Variants in PTPRD observed in about 807,000 individuals in gnomAD.
The protein encoded by PTPRD is receptor-type tyrosine-protein phosphatase delta.
PTPRD carries 34 observed loss-of-function variants against 214.5 expected under a neutral mutation model. That is an observed-to-expected ratio of 0.16 (90% CI 0.12 to 0.21). The LOEUF (loss-of-function observed/expected upper bound fraction) is 0.21. PTPRD is among the 10% of genes least tolerant of loss of function. The pLI is 1.00. For synonymous variants in PTPRD, 1,128 were observed against 845.7 expected (o/e 1.33, Z -5.79); for missense variants, 2,545 against 2,398.7 (o/e 1.06, Z -1.27).
At chr9:9,057,984 T>C (rs1192387686) in intron 10 of PTPRD, among the ~76,000 whole-genome samples, 2 of 152,232 alleles carry the variant, frequency 1.3e-5, no homozygotes, top group African/African-American at 4.8e-5. Context: ...TCTTTTGTTA[T>C]AGGATTTCCT....
intron 12 of PTPRD, among the ~76,000 whole-genome samples, chr9:8,688,227 T>A (rs900184066): frequency 1.3e-5 from 2 of 152,170 alleles, no homozygotes; most frequent in African/African-American, 4.8e-5. Flanking sequence ...TTTCAGTACA[T>A]AAGATCAAAT....
chr9:8,940,797 T>C (rs1324215856), intron 11 of PTPRD, among the ~76,000 whole-genome samples: 1 of 148,562 alleles, frequency 6.7e-6, no homozygotes, highest in Non-Finnish European at 1.5e-5. Context: ...GATCCTATTC[T>C]CTTCTCAAAA....
intron 14 of PTPRD, among the ~76,000 whole-genome samples, chr9:8,620,698 G>T (rs1443536689): frequency 6.6e-6 from 1 of 151,894 alleles, no homozygotes; most frequent in Non-Finnish European, 1.5e-5. Flanking sequence ...TGCCTGTGTA[G>T]TATTGTATGT....
Position 9,651,558 on chromosome 9 carries a change from G to T in PTPRD, c.-286-76777C>A, listed in dbSNP as rs142831796. On this transcript the variant is annotated intron_variant, in intron 7 of 45. Transcript: ENST00000381196. Reference sequence around the variant, plus strand: ...TGACCTCCAGCTCCATCCATGTCCTGCAAAGGACATGATTGTGTTCTTTAT... The same window carrying T: ...TGACCTCCAGCTCCATCCATGTCCTTCAAAGGACATGATTGTGTTCTTTAT... Among the ~76,000 whole-genome samples, 975 of 152,144 alleles carry T rather than the reference G, an allele frequency of 6.4e-3. 8 individuals are homozygous for T. Among genetic ancestry groups the T allele is most frequent in the African/African-American group, 0.023 (942 of 41,502 alleles).
chr9:9,544,193 G>A (rs1221932191), intron 8 of PTPRD, among the ~76,000 whole-genome samples: 11 of 151,428 alleles, frequency 7.3e-5, no homozygotes, highest in African/African-American at 1.7e-4. Context: ...ATTTATATCC[G>A]TGGATTTTAC....
Position 8,485,211 on chromosome 9 carries a change from T to G in PTPRD, c.3153+16A>C. 1 of 1,605,198 alleles carries G rather than the reference T, an allele frequency of 6.2e-7. No homozygotes were observed. Among genetic ancestry groups the G allele is most frequent in the East Asian group, 2.2e-5 (1 of 44,818 alleles). ...ACTTTTATCTGTGATTTCTTACAAA[T>G]TAGAAAACAACTTACTTTGAAAGGC... On this transcript the variant is annotated intron_variant, in intron 29 of 45. Transcript: ENST00000381196.
At chr9:8,925,617 G>T (rs1588137571) in intron 11 of PTPRD, among the ~76,000 whole-genome samples, 4 of 119,296 alleles carry the variant, frequency 3.4e-5, no homozygotes, top group South Asian at 5.2e-4. Flanking sequence ...GGTTACCTCT[G>T]CATGGAGATC....
At chr9:8,437,360 A>T in intron 34 of PTPRD, 1 of 738,258 alleles carries the variant, frequency 1.4e-6, no homozygotes, top group Non-Finnish European at 2.2e-6. Context: ...GTTTTTACAG[A>T]ATTCACTATA....
intron 6 of PTPRD, among the ~76,000 whole-genome samples, chr9:9,741,820 G>A (rs1318897405): frequency 6.6e-6 from 1 of 152,150 alleles, no homozygotes; most frequent in African/African-American, 2.4e-5. Context: ...ATTCCATGGT[G>A]TATATGTACC....
chr9:8,643,240 G>A (rs1461540603), intron 12 of PTPRD, among the ~76,000 whole-genome samples: 3 of 152,034 alleles, frequency 2.0e-5, no homozygotes, highest in Admixed American at 1.3e-4. Flanking sequence ...TAGACTAAAT[G>A]TTTAATATAT....
At chr9:9,987,586 C>T (rs1487974561) in intron 4 of PTPRD, among the ~76,000 whole-genome samples, 4 of 152,158 alleles carry the variant, frequency 2.6e-5, no homozygotes, top group South Asian at 2.1e-4. Flanking sequence ...ATGGGAGCTA[C>T]GAGATGAGAT....
At chr9:8,892,002 A>C (rs867117592) in intron 11 of PTPRD, among the ~76,000 whole-genome samples, 1 of 152,052 alleles carries the variant, frequency 6.6e-6, no homozygotes, top group Non-Finnish European at 1.5e-5. Flanking sequence ...TTTTCTTCTT[A>C]TTCGTTCACA....
chr9:9,000,019 G>C (rs998456761), intron 11 of PTPRD, among the ~76,000 whole-genome samples: 2 of 151,926 alleles, frequency 1.3e-5, no homozygotes, highest in Non-Finnish European at 2.9e-5. Flanking sequence ...CAGAGTCCTG[G>C]TGGCAAATTT....
chr9:10,129,269 C>A (rs956557445), intron 3 of PTPRD, among the ~76,000 whole-genome samples: 1 of 152,134 alleles, frequency 6.6e-6, no homozygotes, highest in African/African-American at 2.4e-5. Flanking sequence ...AAAGTCCATG[C>A]ATACTAATGG....
intron 12 of PTPRD, among the ~76,000 whole-genome samples, chr9:8,640,007 T>C (rs1040139391): frequency 1.3e-5 from 2 of 152,156 alleles, no homozygotes; most frequent in Non-Finnish European, 2.9e-5. Context: ...CAAAGCTAAC[T>C]GCAGCCTCAA....
intron 6 of PTPRD, among the ~76,000 whole-genome samples, chr9:9,764,840 C>T (rs530758090): frequency 4.6e-5 from 7 of 152,136 alleles, no homozygotes; most frequent in Non-Finnish European, 1.0e-4. Context: ...AGTGTAATAA[C>T]ACCTAGGAAA....
At chr9:10,009,602 G>A (rs1363371955) in intron 4 of PTPRD, among the ~76,000 whole-genome samples, 1 of 151,804 alleles carries the variant, frequency 6.6e-6, no homozygotes, top group Non-Finnish European at 1.5e-5. Flanking sequence ...TACCTTAGAG[G>A]CAACAGACTG....
chr9:8,609,795 T>C lies in PTPRD; in HGVS notation c.352+23522A>G, dbSNP rs151006494. 1.7e-3 allele frequency among the ~76,000 whole-genome samples: 265 copies of C among 152,316 alleles called. 1 individual carries two copies. Among genetic ancestry groups the C allele is most frequent in the East Asian group, 0.016 (84 of 5,186 alleles). On this transcript the variant is annotated intron_variant, in intron 14 of 45. Transcript: ENST00000381196. The stretch of plus-strand genomic sequence containing the variant: ...AAAAATGGAAGGGATACTTGAGTAT[T>C]TTGAGGTTTTCCCTTAATCATTTGA...
Position 10,136,608 on chromosome 9 carries a change from C to T in PTPRD, c.-544-102818G>A, listed in dbSNP as rs969809900. On this transcript the variant is annotated intron_variant, in intron 3 of 45. Coordinates refer to ENST00000381196, the MANE Select transcript of PTPRD (RefSeq NM_002839.4). ...AAACCATAAAAACCCTAGAAGAAAA[C>T]CTAGGCATTACCATTCAGGACATAG... is the stretch of plus-strand genomic sequence containing the variant. Among the ~76,000 whole-genome samples the T allele has an allele frequency of 2.3e-5, 2 of 85,968 alleles. 1 individual carries two copies. Among genetic ancestry groups the T allele is most frequent in the African/African-American group, 1.0e-4 (2 of 19,998 alleles). The allele number at this position is 85,968 out of a possible 152,430, so 56.4% of individuals were successfully genotyped here. A position where few individuals can be genotyped will look rare whatever the true frequency, so the allele number is the denominator to read the frequency against.
Sources: gnomAD v4.1 joint callset for allele counts (sites outside exome capture counted in the v4.1 genomes callset) on GRCh38, gnomAD v4.1.1 for gene constraint, MANE v1.5 for transcripts, NCBI Gene and HGNC (gene_info 2026-07-23, HGNC 2026-07-21) for gene names.